The following PTPRD variants were observed in gnomAD, a reference collection of about 807,000 sequenced individuals.
PTPRD encodes the protein receptor-type tyrosine-protein phosphatase delta.
A neutral mutation model predicts 214.5 loss-of-function variants in PTPRD; 34 were observed. That is an observed-to-expected ratio of 0.16 (90% CI 0.12 to 0.21). The LOEUF (loss-of-function observed/expected upper bound fraction) is 0.21, where lower values mean the gene tolerates loss of function less well. Ranked by LOEUF, PTPRD falls within the 10% of genes least tolerant of loss-of-function variation. PTPRD has a pLI of 1.00. For missense variants in PTPRD, 2,545 were observed against 2,398.7 expected (o/e 1.06, Z -1.27); for synonymous variants, 1,128 against 845.7 (o/e 1.33, Z -5.79).
At chr9:8,958,987 C>T (rs983232395) in intron 11 of PTPRD, 5 of 148,534 alleles carry the variant, frequency 3.4e-5, no homozygotes, top group Admixed American at 6.7e-5. Flanking sequence ...GCCCAATGTA[C>T]CTTATATGAT....
Position 10,111,300 on chromosome 9 carries a change from G to A in PTPRD, c.-544-77510C>T, listed in dbSNP as rs1245250439. On this transcript the variant is annotated intron_variant, in intron 3 of 45. Coordinates refer to ENST00000381196, the MANE Select transcript of PTPRD (RefSeq NM_002839.4). ...GTCGCCCAGGCTGGAGTGCAGTGGCGGGATCTCGGCTCACTGCAAGCTCCG... is the reference window on the plus strand; with the variant it reads ...GTCGCCCAGGCTGGAGTGCAGTGGCAGGATCTCGGCTCACTGCAAGCTCCG... Among the ~76,000 whole-genome samples the A allele has an allele frequency of 1.2e-3, 165 of 140,044 alleles. 4 individuals carry two copies. Among genetic ancestry groups the A allele is most frequent in the African/African-American group, 4.3e-3 (159 of 36,992 alleles). The allele number at this position is 140,044 out of a possible 152,430, so 91.9% of individuals were successfully genotyped here. A position where few individuals can be genotyped will look rare whatever the true frequency, so the allele number is the denominator to read the frequency against.
At chr9:9,275,066 T>TATAA (rs372180743) in intron 9 of PTPRD, among the ~76,000 whole-genome samples, 8 of 73,036 alleles carry the variant, frequency 1.1e-4, no homozygotes, top group Admixed American at 2.2e-4. Context: ...TATATATATA[T>TATAA]TATATATATA....
rs113094623 is a variant in PTPRD at position 8,614,501 on chromosome 9, G to C, written c.352+18816C>G. Among the ~76,000 whole-genome samples, 1,055 of 152,242 alleles carry C rather than the reference G, an allele frequency of 6.9e-3. 14 individuals are homozygous for C. The highest frequency in any genetic ancestry group is 0.024 in the African/African-American group (1,009 of 41,554). On this transcript the variant is annotated intron_variant, in intron 14 of 45. Coordinates refer to ENST00000381196, the MANE Select transcript of PTPRD (RefSeq NM_002839.4). ...TTGTAAGGAAGGCCAGGATAAATGAGGGTAGACTGAAATAGAGAAGATAAT... is the reference window on the plus strand; with the variant it reads ...TTGTAAGGAAGGCCAGGATAAATGACGGTAGACTGAAATAGAGAAGATAAT...
intron 2 of PTPRD, among the ~76,000 whole-genome samples, chr9:10,582,832 G>C (rs1011818270): frequency 2.0e-5 from 3 of 152,192 alleles, no homozygotes; most frequent in Non-Finnish European, 2.9e-5. Context: ...GTCATTAATG[G>C]TGTAAACTAA....
At chr9:10,210,315 C>G (rs2099509591) in intron 3 of PTPRD, among the ~76,000 whole-genome samples, 1 of 151,988 alleles carries the variant, frequency 6.6e-6, no homozygotes, top group Admixed American at 6.6e-5. Context: ...TGTCAGAGAG[C>G]TCAGACAAAA....
At position 8,455,360 on chromosome 9, in the gene PTPRD, C is replaced by T. The variant is rs538336165; in HGVS notation, c.3875+5051G>A. Among the ~76,000 whole-genome samples the T allele has an allele frequency of 2.0e-5, 3 of 152,284 alleles. No homozygotes were observed. The East Asian group carries it at 5.8e-4, about 29-fold the overall frequency. On this transcript the variant is annotated intron_variant, in intron 33 of 45. Coordinates refer to ENST00000381196, the MANE Select transcript of PTPRD (RefSeq NM_002839.4). The stretch of plus-strand genomic sequence containing the variant: ...GTGCTGTCTGTGAACACAACTAGTT[C>T]ATGCTTATAGATCCTTTCACCTGTG...
At chr9:10,136,638 GGGC>G (rs2098946372) in intron 3 of PTPRD, among the ~76,000 whole-genome samples, 1 of 85,570 alleles carries the variant, frequency 1.2e-5, no homozygotes, top group East Asian at 3.9e-4. Flanking sequence ...ACATAGGCGT[GGGC>G]AAGGACTTCA....
chr9:9,243,784 G>T (rs995417639), intron 9 of PTPRD, among the ~76,000 whole-genome samples: 96 of 152,088 alleles, frequency 6.3e-4, no homozygotes, highest in Admixed American at 6.1e-3. Flanking sequence ...TGGAAGTTCT[G>T]GCCAGGGCTA....
At chr9:10,036,917 C>G (rs1464551207) in intron 3 of PTPRD, among the ~76,000 whole-genome samples, 1 of 135,454 alleles carries the variant, frequency 7.4e-6, no homozygotes, top group Non-Finnish European at 1.6e-5. Context: ...TAGCACCTCA[C>G]TCTGTTGCTC....
At chr9:8,415,361 T>G (rs1264819723) in intron 35 of PTPRD, among the ~76,000 whole-genome samples, 1 of 152,204 alleles carries the variant, frequency 6.6e-6, no homozygotes, top group Admixed American at 6.5e-5. Flanking sequence ...GCTGGATATG[T>G]ATTCAATTGT....
intron 2 of PTPRD, among the ~76,000 whole-genome samples, chr9:10,427,509 C>T (rs1229557617): frequency 6.6e-6 from 1 of 152,004 alleles, no homozygotes. Flanking sequence ...CCAGATGGCC[C>T]ATCGGCAGCT....
At chr9:8,901,965 G>A (rs1024071761) in intron 11 of PTPRD, among the ~76,000 whole-genome samples, 2 of 152,126 alleles carry the variant, frequency 1.3e-5, no homozygotes, top group Non-Finnish European at 2.9e-5. Flanking sequence ...TAAATTCTCT[G>A]AATCTTAATT....
intron 11 of PTPRD, among the ~76,000 whole-genome samples, chr9:8,939,929 T>C (rs1370099552): frequency 1.3e-5 from 2 of 152,084 alleles, no homozygotes; most frequent in Admixed American, 6.6e-5. Context: ...AAACATAAAT[T>C]AACATGTATA....
chr9:8,824,825 A>T (rs1212755064), intron 11 of PTPRD, among the ~76,000 whole-genome samples: 1 of 152,228 alleles, frequency 6.6e-6, no homozygotes, highest in Non-Finnish European at 1.5e-5. Flanking sequence ...AAATAAGCTT[A>T]GAAACAACTA....
At chr9:8,620,232 T>C (rs2095773206) in intron 14 of PTPRD, among the ~76,000 whole-genome samples, 1 of 152,060 alleles carries the variant, frequency 6.6e-6, no homozygotes, top group Non-Finnish European at 1.5e-5. Flanking sequence ...ATAGAGGTTC[T>C]GTATCATTTG....
At chr9:10,406,630 C>T (rs182898880) in intron 2 of PTPRD, among the ~76,000 whole-genome samples, 2 of 151,482 alleles carry the variant, frequency 1.3e-5, no homozygotes, top group Admixed American at 1.3e-4. Context: ...AGAGGTCTGC[C>T]CATATACTGT....
intron 11 of PTPRD, among the ~76,000 whole-genome samples, chr9:8,945,759 C>A (rs1031069984): frequency 2.0e-5 from 3 of 152,056 alleles, no homozygotes; most frequent in Non-Finnish European, 4.4e-5. Context: ...TGCCTGTGTA[C>A]CTTTGGATAT....
intron 11 of PTPRD, among the ~76,000 whole-genome samples, chr9:8,883,534 T>G (rs2098463347): frequency 1.3e-5 from 2 of 152,156 alleles, no homozygotes; most frequent in Admixed American, 6.5e-5. Context: ...TGCTGGGAAC[T>G]ATGAGTAACT....
chr9:9,413,972 G>A (rs1569568107), intron 8 of PTPRD, among the ~76,000 whole-genome samples: 2 of 152,136 alleles, frequency 1.3e-5, no homozygotes, highest in African/African-American at 4.8e-5. Flanking sequence ...AGAATTTTCA[G>A]GGAAAGAGTA....
Sources: allele counts gnomAD v4.1 joint callset (sites outside exome capture counted in the v4.1 genomes callset), GRCh38; gene constraint gnomAD v4.1.1; transcripts MANE v1.5; gene names NCBI Gene and HGNC (gene_info 2026-07-23, HGNC 2026-07-21).